The following TRPM3 variants were observed in gnomAD, a reference collection of about 807,000 sequenced individuals.
TRPM3 encodes long transient receptor potential channel 3.
A neutral mutation model predicts 181.2 loss-of-function variants in TRPM3; 77 were observed. The ratio of observed to expected loss-of-function variants is 0.42; its 90% confidence interval spans 0.35 to 0.51. The LOEUF (loss-of-function observed/expected upper bound fraction) is 0.51, where lower values mean the gene tolerates loss of function less well. Ranked by LOEUF, TRPM3 falls within the 20% of genes least tolerant of loss-of-function variation. TRPM3 has a pLI of 0.01. For missense variants in TRPM3, 1,759 were observed against 2,196.7 expected, an observed-to-expected ratio of 0.80 and a Z score of 3.98; for synonymous variants, 745 against 796.4, an observed-to-expected ratio of 0.94 and a Z score of 1.09.
At chr9:70,972,381 C>T (rs1264729525) in intron 1 of TRPM3, among the ~76,000 whole-genome samples, 2 of 152,052 alleles carry the variant, frequency 1.3e-5, no homozygotes, top group Non-Finnish European at 2.9e-5. Context: ...ACACAAAAGG[C>T]CACATAGAGT....
intron 1 of TRPM3, among the ~76,000 whole-genome samples, chr9:71,230,873 A>G (rs1249429297): frequency 6.6e-6 from 1 of 152,180 alleles, no homozygotes; most frequent in African/African-American, 2.4e-5. Context: ...TTCTAAGTAA[A>G]TATTCCTGTT....
intron 1 of TRPM3, among the ~76,000 whole-genome samples, chr9:71,219,603 C>T (rs112121981): frequency 0.023 from 3,443 of 152,238 alleles, 55 homozygotes; most frequent in South Asian, 0.039. Context: ...AACTTTCTAC[C>T]GCACTTCTTG....
chr9:71,319,627 T>C (rs2089005572), intron 1 of TRPM3, among the ~76,000 whole-genome samples: 1 of 152,150 alleles, frequency 6.6e-6, no homozygotes, highest in Non-Finnish European at 1.5e-5. Flanking sequence ...AAATAATGTC[T>C]TACCCGCTTA....
At chr9:71,124,174 G>T, upstream of TRPM3, among the ~76,000 whole-genome samples, 1 of 152,068 alleles carries the variant, frequency 6.6e-6, no homozygotes, top group East Asian at 1.9e-4. Flanking sequence ...CATCACTGGG[G>T]ACGCTTTGTG....
intron 1 of TRPM3, among the ~76,000 whole-genome samples, chr9:71,336,934 C>T (rs1267530071): frequency 6.6e-6 from 1 of 152,150 alleles, no homozygotes; most frequent in East Asian, 1.9e-4. Context: ...CTTCCTTACA[C>T]CTTATACAAA....
intron 11 of TRPM3, among the ~76,000 whole-genome samples, chr9:70,637,737 G>A (rs2027363): frequency 0.5 from 76,002 of 151,680 alleles, 19,861 homozygotes; most frequent in Non-Finnish European, 0.57. Context: ...TGCCCTCTGC[G>A]TGATGGGACA....
intron 1 of TRPM3, among the ~76,000 whole-genome samples, chr9:71,143,133 GAAA>G (rs1168348435): frequency 1.8e-5 from 2 of 108,856 alleles, no homozygotes; most frequent in Non-Finnish European, 1.9e-5. Flanking sequence ...CCAAAAAAAA[GAAA>G]AAAAAAAAAA....
chr9:71,130,393 T>C (rs945307502), intron 1 of TRPM3, among the ~76,000 whole-genome samples: 1 of 152,210 alleles, frequency 6.6e-6, no homozygotes, highest in Admixed American at 6.5e-5. Context: ...ACACAAAAGA[T>C]GCACGTGGCC....
chr9:71,394,962 T>G (rs1328969317), intron 1 of TRPM3, among the ~76,000 whole-genome samples: 1 of 152,084 alleles, frequency 6.6e-6, no homozygotes, highest in Non-Finnish European at 1.5e-5. Context: ...TCCAAGTGAG[T>G]GCTTTGGACC....
intron 6 of TRPM3, among the ~76,000 whole-genome samples, chr9:70,790,258 T>G (rs2130979180): frequency 6.6e-6 from 1 of 152,316 alleles, no homozygotes; most frequent in Admixed American, 6.5e-5. Flanking sequence ...TAGAAGATCA[T>G]TCTCTACCTA....
chr9:71,233,519 T>C (rs2081190971), intron 1 of TRPM3, among the ~76,000 whole-genome samples: 2 of 152,200 alleles, frequency 1.3e-5, no homozygotes, highest in Admixed American at 6.5e-5. Flanking sequence ...AAAGAAATCA[T>C]CTGCACCATA....
chr9:71,311,588 T>A (rs1057257311), intron 1 of TRPM3, among the ~76,000 whole-genome samples: 2 of 152,158 alleles, frequency 1.3e-5, no homozygotes, highest in East Asian at 3.9e-4. Flanking sequence ...AGATACAGAC[T>A]TTTAATCTTA....
chr9:71,309,211 C>A (rs1259551517), intron 1 of TRPM3, among the ~76,000 whole-genome samples: 1 of 152,090 alleles, frequency 6.6e-6, no homozygotes, highest in Non-Finnish European at 1.5e-5. Flanking sequence ...TGTTGTCCAG[C>A]TTTTTAATAG....
chr9:71,439,292 A>G (rs1193119720), intron 1 of TRPM3, among the ~76,000 whole-genome samples: 1 of 152,242 alleles, frequency 6.6e-6, no homozygotes, highest in Non-Finnish European at 1.5e-5. Context: ...CCTGTCAAAC[A>G]AAAGCAACTT....
chr9:71,229,742 C>T (rs2131896488), intron 1 of TRPM3, among the ~76,000 whole-genome samples: 1 of 152,198 alleles, frequency 6.6e-6, no homozygotes, highest in South Asian at 2.1e-4. Context: ...GGTATCACCT[C>T]ACCCCAGTTA....
chr9:70,928,933 C>T (rs1202888483), intron 1 of TRPM3, among the ~76,000 whole-genome samples: 1 of 152,138 alleles, frequency 6.6e-6, no homozygotes, highest in African/African-American at 2.4e-5. Flanking sequence ...CCCTTGGTTC[C>T]TGTCCTGACA....
intron 8 of TRPM3, among the ~76,000 whole-genome samples, chr9:70,682,520 A>G (rs4237243): frequency 0.87 from 132,347 of 151,964 alleles, 57,793 homozygotes; most frequent in Non-Finnish European, 0.91. Flanking sequence ...TTTGTATTTC[A>G]CCCTAGAACA....
At chr9:70,853,152 T>G (rs151044605) in intron 3 of TRPM3, among the ~76,000 whole-genome samples, 5 of 152,356 alleles carry the variant, frequency 3.3e-5, no homozygotes, top group African/African-American at 9.6e-5. Context: ...CATGGGACTC[T>G]TCAAAAGAAT....
chr9:71,091,856 C>A (rs1305716037), intron 1 of TRPM3, among the ~76,000 whole-genome samples: 2 of 152,030 alleles, frequency 1.3e-5, no homozygotes, highest in African/African-American at 4.8e-5. Context: ...GCAGCTTTGA[C>A]TATTGTGAAT....
Sources: gnomAD v4.1 joint callset for allele counts (sites outside exome capture counted in the v4.1 genomes callset) on GRCh38, gnomAD v4.1.1 for gene constraint, MANE v1.5 for transcripts, NCBI Gene and HGNC (gene_info 2026-07-23, HGNC 2026-07-21) for gene names.